CLIP4: variants seen among roughly 807,000 people sequenced by gnomAD.
The protein encoded by CLIP4 is CAP-Gly domain containing linker protein family member 4.
In CLIP4, 47 loss-of-function variants were observed where a neutral mutation model predicts 73.1. The ratio of observed to expected loss-of-function variants is 0.64; its 90% confidence interval spans 0.51 to 0.82. The LOEUF is 0.82. CLIP4 is among the 40% of genes least tolerant of loss of function. The pLI is 0.00. For synonymous variants in CLIP4, 306 were observed against 295.4 expected (o/e 1.04, Z -0.37); for missense variants, 874 against 852.9 (o/e 1.02, Z -0.31).
chr2:29,101,297 A>AAC (rs1668041072), intron 1 of CLIP4, among the ~76,000 whole-genome samples: 1 of 148,208 alleles, frequency 6.7e-6, no homozygotes, highest in African/African-American at 2.5e-5. Context: ...CCCCCCCCCA[A>AAC]AACAAAAAAA....
In CLIP4 at chr2:29,121,478, A is replaced by G. The variant is rs774072688; in HGVS notation, c.90A>G (p.Pro30=). 18 of 1,613,636 alleles carry G rather than the reference A, an allele frequency of 1.1e-5. No individual in the cohort carries two copies. In the African/African-American group the frequency reaches 1.5e-4, roughly 13 times the overall value. ...YPFIFSASDT[P]VIFSISAAPM... ...TTATATTTTCTGCTTCTGATACCCCAGTTATCTTTTCCATTTCTGCAGCAC... is the reference window on the plus strand; with the variant it reads ...TTATATTTTCTGCTTCTGATACCCCGGTTATCTTTTCCATTTCTGCAGCAC... Residue 30 remains proline, a synonymous_variant, in exon 2 of 16, where the codon CCA becomes CCG. Transcript: ENST00000320081.
intron 8 of CLIP4, among the ~76,000 whole-genome samples, chr2:29,146,126 G>C (rs532541673): frequency 2.8e-4 from 43 of 152,302 alleles, no homozygotes; most frequent in African/African-American, 9.6e-4. Context: ...GGCTTTTAGT[G>C]GGGAGACAGT....
chr2:29,172,392 T>C (rs1668068367), intron 14 of CLIP4, among the ~76,000 whole-genome samples: 1 of 152,128 alleles, frequency 6.6e-6, no homozygotes, highest in African/African-American at 2.4e-5. Context: ...AATGATAACT[T>C]TACTGGGTGT....
intron 14 of CLIP4, among the ~76,000 whole-genome samples, chr2:29,172,795 A>G (rs1668096291): frequency 6.6e-6 from 1 of 152,012 alleles, no homozygotes; most frequent in Admixed American, 6.6e-5. Flanking sequence ...TAGACCCATC[A>G]TTCTGTTTCT....
chr2:29,107,955 T>C (rs964573440), intron 1 of CLIP4, among the ~76,000 whole-genome samples: 1 of 152,148 alleles, frequency 6.6e-6, no homozygotes, highest in Non-Finnish European at 1.5e-5. Flanking sequence ...GATATAGCAG[T>C]GTTAGAAATA....
At position 29,130,168 on chromosome 2, in the gene CLIP4, C is replaced by T. The variant is rs562628174; in HGVS notation, c.134-1090C>T. On this transcript the variant is annotated intron_variant, in intron 2 of 15. Transcript: ENST00000320081. ...CTGGGTGAGAGAGCAGCCAGTGCTG[C>T]GGCCCTGGGTACCAGCACCTAGTTA... is the stretch of plus-strand genomic sequence containing the variant. 201 of 433,138 alleles carry T rather than the reference C, an allele frequency of 4.6e-4. 1 individual carries two copies. Among genetic ancestry groups the T allele is most frequent in the Non-Finnish European group, 8.7e-4 (176 of 202,060 alleles). The allele number at this position is 433,138 out of a possible 1,614,324, so 26.8% of individuals were successfully genotyped here. A position where few individuals can be genotyped will look rare whatever the true frequency, so the allele number is the denominator to read the frequency against.
At chr2:29,112,539 G>A (rs1338862820), upstream of CLIP4, among the ~76,000 whole-genome samples, 1 of 152,202 alleles carries the variant, frequency 6.6e-6, no homozygotes, top group Non-Finnish European at 1.5e-5. Context: ...ACATTTCCCA[G>A]TTGCTTACTG....
intron 1 of CLIP4, among the ~76,000 whole-genome samples, chr2:29,100,180 G>A (rs191508186): frequency 1.6e-4 from 24 of 151,932 alleles, no homozygotes; most frequent in African/African-American, 4.8e-4. Flanking sequence ...TCCGCCCACC[G>A]TGGCCTCCCA....
intron 15 of CLIP4, 24 bp downstream of exon 15, chr2:29,174,469 A>G (rs763434506): frequency 5.6e-6 from 9 of 1,603,084 alleles, no homozygotes; most frequent in Non-Finnish European, 2.5e-6. Flanking sequence ...AGATTTAGAA[A>G]AACACCTTTC....
intron 4 of CLIP4, 121 bp from the exon 5 acceptor site, chr2:29,133,534 T>A: frequency 1.3e-6 from 1 of 779,424 alleles, no homozygotes; most frequent in Non-Finnish European, 1.9e-6. Context: ...CAAGTGAAAT[T>A]TTTGAAGTGT....
intron 1 of CLIP4, among the ~76,000 whole-genome samples, chr2:29,106,573 G>A (rs1346981189): frequency 6.6e-6 from 1 of 152,172 alleles, no homozygotes; most frequent in Non-Finnish European, 1.5e-5. Flanking sequence ...GGGAGGTTAA[G>A]TGACTTGCTA....
upstream of CLIP4, chr2:29,114,224 T>TG (rs1400172473): frequency 6.6e-6 from 1 of 152,296 alleles, no homozygotes. Context: ...TCTCCGCACT[T>TG]GGCAGGCCAC....
intron 15 of CLIP4, 89 bp downstream of exon 15, chr2:29,174,534 T>C: frequency 2.6e-6 from 4 of 1,525,676 alleles, no homozygotes; most frequent in Non-Finnish European, 3.5e-6. Context: ...CTGTATCTTT[T>C]GCATTGCTTG....
intron 2 of CLIP4, chr2:29,130,633 T>C: frequency 9.0e-7 from 1 of 1,107,174 alleles, no homozygotes; most frequent in Non-Finnish European, 1.1e-6. Flanking sequence ...AGGACCATTT[T>C]GTTGTCTAAG....
chr2:29,167,652 A>G (rs1667714300), intron 14 of CLIP4, 112 bp downstream of exon 14: 5 of 675,504 alleles, frequency 7.4e-6, no homozygotes, highest in South Asian at 3.0e-5. Context: ...GTATTTGTAT[A>G]GTTTTTGTAA....
In CLIP4 at chr2:29,133,311, C is replaced by T. The variant is rs138623331; in HGVS notation, c.368-344C>T. On this transcript the variant is annotated intron_variant, in intron 4 of 15. Coordinates refer to ENST00000320081, the MANE Select transcript of CLIP4 (RefSeq NM_024692.6). ...GCAATTTGGGACTGCCAGTGGTCCA[C>T]GGAACACGTTTGGGGGAGCACTGAT... 6.6e-5 allele frequency among the ~76,000 whole-genome samples: 10 copies of T among 152,300 alleles called. No homozygotes were observed. In the East Asian group the frequency reaches 1.4e-3, roughly 21 times the overall value.
chr2:29,100,631 C>T (rs139692694), intron 1 of CLIP4, among the ~76,000 whole-genome samples: 1 of 151,422 alleles, frequency 6.6e-6, no homozygotes, highest in Non-Finnish European at 1.5e-5. Context: ...AAATAATGCA[C>T]AATTTGGTTT....
At chr2:29,102,897 T>C (rs1031571956) in intron 1 of CLIP4, among the ~76,000 whole-genome samples, 2 of 152,202 alleles carry the variant, frequency 1.3e-5, no homozygotes, top group East Asian at 3.9e-4. Context: ...GGATTACAGG[T>C]GTGAGCCACT....
intron 15 of CLIP4, among the ~76,000 whole-genome samples, chr2:29,179,467 T>A (rs1252294532): frequency 6.6e-6 from 1 of 152,244 alleles, no homozygotes; most frequent in East Asian, 1.9e-4. Flanking sequence ...TTTGTGCTTA[T>A]ACAGCCATGG....
Sources: gnomAD v4.1 joint callset for allele counts (sites outside exome capture counted in the v4.1 genomes callset) on GRCh38, gnomAD v4.1.1 for gene constraint, MANE v1.5 for transcripts, NCBI Gene and HGNC (gene_info 2026-07-23, HGNC 2026-07-21) for gene names.